Variants in INTS2 observed in about 807,000 individuals in gnomAD.
The protein encoded by INTS2 is integrator complex subunit 2, also known as KIAA1287.
INTS2 carries 57 observed loss-of-function variants against 139.6 expected under a neutral mutation model. That is an observed-to-expected ratio of 0.41 (90% CI 0.33 to 0.51). The LOEUF (loss-of-function observed/expected upper bound fraction) is 0.51, where lower values mean the gene tolerates loss of function less well. Ranked by LOEUF, INTS2 falls within the 20% of genes least tolerant of loss-of-function variation. The pLI is 0.28. For synonymous variants in INTS2, 473 were observed against 493.4 expected (o/e 0.96, Z 0.55); for missense variants, 1,196 against 1,436.7 (o/e 0.83, Z 2.71).
At chr17:61,916,166 G>A (rs2079580531) in intron 5 of INTS2, among the ~76,000 whole-genome samples, 1 of 152,260 alleles carries the variant, frequency 6.6e-6, no homozygotes, top group South Asian at 2.1e-4. Flanking sequence ...CAGGCACGGT[G>A]GCTCACACCT....
Position 61,926,362 on chromosome 17 carries a change from G to T in INTS2, c.283C>A (p.Gln95Lys). The change falls in exon 2 of 25, where the codon CAG becomes AAG. Residue 95 changes from glutamine (Q) to lysine (K), a missense_variant. Physicochemically the swap from Gln to Lys is moderately conservative, Grantham distance 53. Coordinates refer to ENST00000251334, the MANE Select transcript of INTS2 (RefSeq NM_001351695.2). ...HALEQDASKE[Q>K]QLRHKLGGGS... ...ATAACATAACATTACCTAAGCTGCT[G>T]TTCTTTGCTGGCATCTTGTTCTAAA... 2 of 1,598,010 alleles carry T rather than the reference G, an allele frequency of 1.3e-6. No homozygotes were observed. The highest frequency in any genetic ancestry group is 1.7e-6 in the Non-Finnish European group (2 of 1,168,246).
chr17:61,881,296 T>A, intron 16 of INTS2, 125 bp from the exon 17 acceptor site: 1 of 768,854 alleles, frequency 1.3e-6, no homozygotes, highest in East Asian at 2.8e-5. Context: ...AGTCAGTGTT[T>A]CTCAAAAAAT....
At chr17:61,899,597 A>G (rs929548777) in intron 9 of INTS2, among the ~76,000 whole-genome samples, 4 of 151,888 alleles carry the variant, frequency 2.6e-5, no homozygotes, top group African/African-American at 9.7e-5. Flanking sequence ...TAGTTTTTCT[A>G]TCTATAAGAT....
At chr17:61,918,213 A>AT (rs2079602641) in intron 5 of INTS2, among the ~76,000 whole-genome samples, 1 of 152,194 alleles carries the variant, frequency 6.6e-6, no homozygotes, top group Admixed American at 6.5e-5. Flanking sequence ...TACACTATCA[A>AT]TATCTCCATT....
intron 3 of INTS2, among the ~76,000 whole-genome samples, chr17:61,923,192 A>G (rs1049221495): frequency 3.3e-5 from 5 of 151,258 alleles, no homozygotes; most frequent in African/African-American, 7.3e-5. Context: ...ACTGTCTAAA[A>G]CTCGGCCGGG....
At chr17:61,911,375 G>T in intron 7 of INTS2, 145 bp downstream of exon 7, 1 of 583,190 alleles carries the variant, frequency 1.7e-6, no homozygotes, top group Non-Finnish European at 2.8e-6. Flanking sequence ...TATCCTTAGT[G>T]ATTTTTTAAA....
At position 61,868,000 on chromosome 17, in the gene INTS2, T is replaced by C; in HGVS notation, c.3254A>G (p.Gln1085Arg). ...CATAAAAAAAGCATACCGCTTAGCC[T>C]GTGTTAAAACTGTTGGAAAAAAATG... Reference protein sequence around the residue: ...VMGTLLTVLTQAKRYAFFMPT... With the variant: ...VMGTLLTVLTRAKRYAFFMPT... The change falls in exon 24 of 25, where the codon CAG becomes CGG. Residue 1085 changes from glutamine (Q) to arginine (R), a missense_variant. This residue lies in a region of INTS2 where 1,129 missense variants were observed against 1,341.9 expected (regional missense o/e 0.84). Transcript: ENST00000251334. This position sits in a 1 kb window ranked among gnomAD's most constrained non-coding sequence, Gnocchi z 5.6. 1 of 1,583,938 alleles carries C rather than the reference T, an allele frequency of 6.3e-7. No homozygotes were observed. The highest frequency in any genetic ancestry group is 8.5e-7 in the Non-Finnish European group (1 of 1,170,860).
intron 5 of INTS2, among the ~76,000 whole-genome samples, chr17:61,917,672 T>C (rs997089415): frequency 6.6e-6 from 1 of 152,160 alleles, no homozygotes; most frequent in Non-Finnish European, 1.5e-5. Flanking sequence ...ACCTATTGGG[T>C]ACTATGCTCA....
At chr17:61,919,702 G>C (rs931157603) in intron 4 of INTS2, among the ~76,000 whole-genome samples, 189 bp from the exon 5 acceptor site, 3 of 152,082 alleles carry the variant, frequency 2.0e-5, no homozygotes, top group African/African-American at 7.2e-5. Context: ...AAGCCACCAT[G>C]CCTGGACCCA....
At chr17:61,881,297 C>A in intron 16 of INTS2, 126 bp from the exon 17 acceptor site, 2 of 770,422 alleles carry the variant, frequency 2.6e-6, no homozygotes, top group East Asian at 5.6e-5. Context: ...GTCAGTGTTT[C>A]TCAAAAAATG....
In INTS2 at chr17:61,893,955, G is replaced by A; in HGVS notation, c.1564-56C>T. On this transcript the variant is annotated intron_variant, in intron 12 of 24. Transcript: ENST00000251334. The surrounding 1 kb of genome is among the most constrained non-coding windows in gnomAD (Gnocchi z 5.4). The stretch of plus-strand genomic sequence containing the variant: ...ATAGAACTAAATATAAAATTATTTT[G>A]AAAGAGAGATTAGTAAGTAGACTGT... 8.0e-7 allele frequency: 1 copy of A among 1,253,114 alleles called. No homozygotes were observed. Among genetic ancestry groups the A allele is most frequent in the Non-Finnish European group, 1.1e-6 (1 of 914,378 alleles). The allele number at this position is 1,253,114 out of a possible 1,614,324, so 77.6% of individuals were successfully genotyped here.
Position 61,911,608 on chromosome 17 carries a change from T to C in INTS2, c.866A>G (p.Asp289Gly). ...CAAACCACTTACAAAACAAACCAAG[T>C]CACTCACTCCATCCTCACAAGCTTC... is the stretch of plus-strand genomic sequence containing the variant. ...KNEACEDGVS[D>G]LVCFVSGLLL... is the part of the protein sequence containing the mutation. Residue 289 changes from aspartate (D) to glycine (G), a missense_variant, in exon 7 of 25, where the codon GAC becomes GGC. This residue lies in a region of INTS2 where 1,129 missense variants were observed against 1,341.9 expected (regional missense o/e 0.84). Transcript: ENST00000251334. 1 of 1,613,900 alleles carries C rather than the reference T, an allele frequency of 6.2e-7. No homozygotes were observed. Among genetic ancestry groups the C allele is most frequent in the Non-Finnish European group, 8.5e-7 (1 of 1,179,878 alleles).
Position 61,872,529 on chromosome 17 carries a change from G to C in INTS2, c.2583-69C>G, listed in dbSNP as rs2079097744. The stretch of plus-strand genomic sequence containing the variant: ...TAAATTTATAAATTAGCCAGAACAT[G>C]ATCAATTTAGTTTAAATGCTGAGAA... On this transcript the variant is annotated intron_variant, in intron 19 of 24. Coordinates refer to ENST00000251334, the MANE Select transcript of INTS2 (RefSeq NM_001351695.2). The surrounding 1 kb of genome is among the most constrained non-coding windows in gnomAD (Gnocchi z 4.8). 3 of 1,059,948 alleles carry C rather than the reference G, an allele frequency of 2.8e-6. No individual in the cohort carries two copies. Among genetic ancestry groups the C allele is most frequent in the Non-Finnish European group, 3.9e-6 (3 of 760,524 alleles). The allele number at this position is 1,059,948 out of a possible 1,614,324, so 65.7% of individuals were successfully genotyped here. A position where few individuals can be genotyped will look rare whatever the true frequency, so the allele number is the denominator to read the frequency against.
intron 16 of INTS2, 66 bp downstream of exon 16, chr17:61,884,835 T>C (rs1199794988): frequency 8.0e-6 from 8 of 1,002,648 alleles, no homozygotes; most frequent in Non-Finnish European, 1.1e-5. Flanking sequence ...TTACACTTCA[T>C]AACATTATAA....
rs558824075 is a variant in INTS2 at position 61,882,809 on chromosome 17, A to C, written c.2090-1638T>G. Among the ~76,000 whole-genome samples, 4 of 152,344 alleles carry C rather than the reference A, an allele frequency of 2.6e-5. No homozygotes were observed. The highest frequency in any genetic ancestry group is 9.6e-5 in the African/African-American group (4 of 41,590). ...CTACTATGCTAAGTGCTTCACACAT[A>C]AGTACCTAATAAATATTGTTGCTAC... On this transcript the variant is annotated intron_variant, in intron 16 of 24. Coordinates refer to ENST00000251334, the MANE Select transcript of INTS2 (RefSeq NM_001351695.2). The surrounding 1 kb of genome is among the most constrained non-coding windows in gnomAD (Gnocchi z 4.7).
chr17:61,880,902 T>C (rs76301667), intron 17 of INTS2, 105 bp downstream of exon 17: 165,027 of 899,518 alleles, frequency 0.18, 18,009 homozygotes, highest in East Asian at 0.51. Flanking sequence ...CACCAAAACA[T>C]TGTTATATCC....
intron 12 of INTS2, among the ~76,000 whole-genome samples, chr17:61,894,761 T>C (rs566893050): frequency 9.9e-5 from 15 of 151,890 alleles, no homozygotes; most frequent in African/African-American, 2.9e-4. Context: ...GGCAGGAGAA[T>C]TGCTCCAACC....
At chr17:61,889,132 G>A (rs1289600857) in intron 15 of INTS2, among the ~76,000 whole-genome samples, 1 of 148,578 alleles carries the variant, frequency 6.7e-6, no homozygotes, top group Non-Finnish European at 1.5e-5. Context: ...CTGTCCACCA[G>A]GCTGGAGTGC....
Position 61,891,706 on chromosome 17 carries a change from T to C in INTS2, c.1699-17A>G, listed in dbSNP as rs377162646. ...AATCCAATCCTAAGAAAGAATGTTATAGACACTGAATTAATTGTGGCAAAA... is the reference window on the plus strand; with the variant it reads ...AATCCAATCCTAAGAAAGAATGTTACAGACACTGAATTAATTGTGGCAAAA... On this transcript the variant is annotated splice_polypyrimidine_tract_variant and intron_variant, in intron 13 of 24. Coordinates refer to ENST00000251334, the MANE Select transcript of INTS2 (RefSeq NM_001351695.2). 1.6e-5 allele frequency: 25 copies of C among 1,571,292 alleles called. No homozygotes were observed. The highest frequency in any genetic ancestry group is 2.3e-5 in the East Asian group (1 of 44,312).
Sources: gnomAD v4.1 joint callset for allele counts (sites outside exome capture counted in the v4.1 genomes callset) on GRCh38, gnomAD v4.1.1 for gene constraint, gnomAD v4.1.1 regional missense constraint, Gnocchi (gnomAD v3.1) non-coding constraint, MANE v1.5 for transcripts, NCBI Gene and HGNC (gene_info 2026-07-23, HGNC 2026-07-21) for gene names.